The following LMX1A variants were observed in gnomAD, a reference collection of about 807,000 sequenced individuals.
LMX1A encodes LIM homeobox transcription factor 1 alpha.
LMX1A carries 15 observed loss-of-function variants against 49.1 expected under a neutral mutation model. The ratio of observed to expected loss-of-function variants is 0.31; its 90% confidence interval spans 0.20 to 0.47. The LOEUF is 0.47. Ranked by LOEUF, LMX1A falls within the 20% of genes least tolerant of loss-of-function variation. LMX1A has a pLI of 1.00. For missense variants in LMX1A, 372 were observed against 475.8 expected, an observed-to-expected ratio of 0.78 and a Z score of 2.03; for synonymous variants, 167 against 185.7, an observed-to-expected ratio of 0.90 and a Z score of 0.82.
intron 3 of LMX1A, among the ~76,000 whole-genome samples, chr1:165,310,652 G>C (rs562119414): frequency 1.3e-5 from 2 of 152,284 alleles, no homozygotes; most frequent in East Asian, 3.9e-4. Flanking sequence ...TATTCTCCCC[G>C]TTTCCTTCTC....
chr1:165,269,058 C>A (rs1326577145), intron 3 of LMX1A, among the ~76,000 whole-genome samples: 1 of 152,204 alleles, frequency 6.6e-6, no homozygotes, highest in African/African-American at 2.4e-5. Context: ...CCAAGAGCTA[C>A]CCAGAGATGG....
At chr1:165,313,192 G>A (rs1655122963) in intron 3 of LMX1A, among the ~76,000 whole-genome samples, 2 of 152,182 alleles carry the variant, frequency 1.3e-5, no homozygotes. Context: ...AAAATGCAGA[G>A]TTCCATGTTG....
At chr1:165,278,932 T>C (rs1451000121) in intron 3 of LMX1A, among the ~76,000 whole-genome samples, 6 of 152,156 alleles carry the variant, frequency 3.9e-5, no homozygotes, top group Admixed American at 1.3e-4. Flanking sequence ...TTCAGACTTA[T>C]TATACAACAC....
At chr1:165,250,064 C>T (rs1653000440) in intron 3 of LMX1A, among the ~76,000 whole-genome samples, 1 of 151,140 alleles carries the variant, frequency 6.6e-6, no homozygotes, top group Non-Finnish European at 1.5e-5. Context: ...ACAACACACT[C>T]TGGGGCCTGT....
At chr1:165,338,191 G>A (rs1655961369) in intron 3 of LMX1A, among the ~76,000 whole-genome samples, 1 of 152,130 alleles carries the variant, frequency 6.6e-6, no homozygotes, top group Admixed American at 6.5e-5. Flanking sequence ...AGGAATATGA[G>A]CTCCCTGGAT....
At chr1:165,351,389 T>G (rs1656422503) in intron 3 of LMX1A, among the ~76,000 whole-genome samples, 1 of 152,230 alleles carries the variant, frequency 6.6e-6, no homozygotes, top group East Asian at 1.9e-4. Context: ...AAGGTGATAC[T>G]TGAAGTTATG....
chr1:165,349,409 T>C (rs1459125789), intron 3 of LMX1A, among the ~76,000 whole-genome samples: 1 of 152,258 alleles, frequency 6.6e-6, no homozygotes, highest in Non-Finnish European at 1.5e-5. Context: ...TTCAGGAACG[T>C]TGAAGACAGT....
At chr1:165,339,075 G>T (rs138196058) in intron 3 of LMX1A, among the ~76,000 whole-genome samples, 1,989 of 152,322 alleles carry the variant, frequency 0.013, 16 homozygotes, top group Admixed American at 0.023. Context: ...GAGGTTAAAT[G>T]ATTTGCCCAG....
At chr1:165,341,953 A>G (rs1359813750) in intron 3 of LMX1A, among the ~76,000 whole-genome samples, 1 of 152,248 alleles carries the variant, frequency 6.6e-6, no homozygotes, top group Non-Finnish European at 1.5e-5. Context: ...GCAACTAGGT[A>G]AAGTACATTC....
intron 3 of LMX1A, among the ~76,000 whole-genome samples, chr1:165,281,732 G>T (rs1654154676): frequency 6.8e-6 from 1 of 146,098 alleles, no homozygotes; most frequent in East Asian, 2.0e-4. Flanking sequence ...GCAATATTTT[G>T]TGTGTGTGTG....
Position 165,205,871 on chromosome 1 carries a change from G to T in LMX1A, c.981C>A (p.His327Gln). ...GGCTTAAGTCCCTCTTACCATAAGGGTGCATGTGGTCTCCAGGCATCTGGG... is the reference window on the plus strand; with the variant it reads ...GGCTTAAGTCCCTCTTACCATAAGGTTGCATGTGGTCTCCAGGCATCTGGG... ...TPPQMPGDHM[H>Q]PYGAEPLFHD... Residue 327 changes from histidine (H) to glutamine (Q), a missense_variant, in exon 8 of 9, where the codon CAC (histidine) becomes CAA (glutamine). Transcript: ENST00000342310. The T allele has an allele frequency of 6.2e-7, 1 of 1,613,876 alleles. No individual in the cohort carries two copies. Among genetic ancestry groups the T allele is most frequent in the South Asian group, 1.1e-5 (1 of 91,068 alleles).
chr1:165,282,252 T>C (rs1362238999), intron 3 of LMX1A, among the ~76,000 whole-genome samples: 1 of 152,186 alleles, frequency 6.6e-6, no homozygotes, highest in Non-Finnish European at 1.5e-5. Flanking sequence ...AATTGCCTCT[T>C]TGACATCACC....
At chr1:165,226,268 G>C (rs949765750) in intron 4 of LMX1A, among the ~76,000 whole-genome samples, 3 of 152,182 alleles carry the variant, frequency 2.0e-5, no homozygotes, top group African/African-American at 7.2e-5. Flanking sequence ...AAAGGAATCT[G>C]CATCATGATT....
At chr1:165,342,347 G>A (rs1017244068) in intron 3 of LMX1A, among the ~76,000 whole-genome samples, 6 of 152,198 alleles carry the variant, frequency 3.9e-5, no homozygotes, top group Admixed American at 6.5e-5. Flanking sequence ...GGCTGGTCCC[G>A]ATGGAAGTTA....
At chr1:165,220,499 G>C (rs563730334) in intron 4 of LMX1A, among the ~76,000 whole-genome samples, 1 of 152,260 alleles carries the variant, frequency 6.6e-6, no homozygotes, top group South Asian at 2.1e-4. Context: ...GGTCTTATTG[G>C]AGCCTTCCAC....
chr1:165,210,984 A>G (rs552540392), intron 5 of LMX1A: 72 of 446,946 alleles, frequency 1.6e-4, no homozygotes, highest in African/African-American at 1.4e-3. Flanking sequence ...AAACAAAATA[A>G]TAATTATTAA....
chr1:165,303,582 G>T (rs946355659), intron 3 of LMX1A, among the ~76,000 whole-genome samples: 1 of 152,166 alleles, frequency 6.6e-6, no homozygotes, highest in Non-Finnish European at 1.5e-5. Flanking sequence ...ACTTGGCTTC[G>T]GCAGCCCAAT....
intron 3 of LMX1A, among the ~76,000 whole-genome samples, chr1:165,345,065 C>T (rs760617845): frequency 3.3e-5 from 5 of 152,198 alleles, no homozygotes; most frequent in Non-Finnish European, 4.4e-5. Flanking sequence ...GACAACAATG[C>T]TAAGAATGAA....
At chr1:165,300,027 AT>A (rs1453586075) in intron 3 of LMX1A, among the ~76,000 whole-genome samples, 5 of 152,148 alleles carry the variant, frequency 3.3e-5, no homozygotes, top group Non-Finnish European at 7.3e-5. Flanking sequence ...GATAAGAGCC[AT>A]TGGATCAGGA....
Sources: gnomAD v4.1 joint callset for allele counts (sites outside exome capture counted in the v4.1 genomes callset) on GRCh38, gnomAD v4.1.1 for gene constraint, MANE v1.5 for transcripts, NCBI Gene and HGNC (gene_info 2026-07-23, HGNC 2026-07-21) for gene names.